Variants in PPL observed in about 807,000 individuals in gnomAD.
PPL encodes 190 kDa paraneoplastic pemphigus antigen.
PPL carries 198 observed loss-of-function variants against 194.4 expected under a neutral mutation model. That is an observed-to-expected ratio of 1.02 (90% confidence interval 0.91 to 1.15). The LOEUF is 1.15. PPL is among the 50% of genes most tolerant of loss of function. PPL has a pLI of 0.00. For missense variants in PPL, 2,885 were observed against 2,294.8 expected (o/e 1.26, Z -5.25); for synonymous variants, 1,220 against 972.4 (o/e 1.25, Z -4.74).
rs1294991391 is a variant in PPL at position 4,897,728 on chromosome 16, TC to T, written c.918del (p.Asn307ThrfsTer23). 1 of 1,613,922 alleles carries T rather than the reference TC, an allele frequency of 6.2e-7. No individual in the cohort carries two copies. Among genetic ancestry groups the T allele is most frequent in the East Asian group, 2.2e-5 (1 of 44,866 alleles). ...EAVHADWKEY[L>X]NLLICEESHL... ...TGGCTCTCCTCGCAGATGAGCAGGT[TC>T]AGGTACTCCTTCCAGTCTGCGTGCA... On this transcript the variant is annotated frameshift_variant, in exon 9 of 22. Coordinates refer to ENST00000345988, the MANE Select transcript of PPL (RefSeq NM_002705.5). LOFTEE classifies it high-confidence loss of function.
chr16:4,889,156 T>G, intron 18 of PPL, 95 bp from the exon 19 acceptor site: 1 of 969,464 alleles, frequency 1.0e-6, no homozygotes, highest in Non-Finnish European at 1.6e-6. Context: ...AATCTGAATT[T>G]ATTCTTCTCT....
chr16:4,921,076 G>A (rs1299917468), intron 1 of PPL, among the ~76,000 whole-genome samples: 1 of 152,180 alleles, frequency 6.6e-6, no homozygotes, highest in Non-Finnish European at 1.5e-5. Context: ...ACCTCGAGTC[G>A]ACTGAGGCTG....
At chr16:4,927,743 T>C (rs2089177527) in intron 1 of PPL, among the ~76,000 whole-genome samples, 2 of 152,234 alleles carry the variant, frequency 1.3e-5, no homozygotes, top group Admixed American at 1.3e-4. Flanking sequence ...ATTCCAGGTC[T>C]GTTTTTAAGG....
At position 4,885,643 on chromosome 16, in the gene PPL, CCT is replaced by C. The variant is rs1555518591; in HGVS notation, c.3010_3011del (p.Arg1004GlyfsTer5). 3 of 1,612,954 alleles carry C rather than the reference CCT, an allele frequency of 1.9e-6. No individual in the cohort carries two copies. Among genetic ancestry groups the C allele is most frequent in the Non-Finnish European group, 1.7e-6 (2 of 1,179,698 alleles). ...VKEVLRIEPD[R>X]AQADEVLQLR... Reference sequence around the variant, plus strand: ...GCTGCAAGACCTCATCCGCCTGGGCCCTGTCAGGCTCGATGCGCAGGACCTCC... The same window carrying C: ...GCTGCAAGACCTCATCCGCCTGGGCCGTCAGGCTCGATGCGCAGGACCTCC... On this transcript the variant is annotated frameshift_variant, in exon 22 of 22. Coordinates refer to ENST00000345988, the MANE Select transcript of PPL (RefSeq NM_002705.5). LOFTEE classifies it high-confidence loss of function. The surrounding 1 kb of genome is among the most constrained non-coding windows in gnomAD (Gnocchi z 6.3).
At position 4,895,615 on chromosome 16, in the gene PPL, C is replaced by T; in HGVS notation, c.1074G>A (p.Glu358=). The part of the protein sequence containing the change: ...GPDFKDRYQI[E]LLLRELDDQE... Reference sequence around the variant, plus strand: ...TCACATCCAGCTCCCGCAGCAGCAGCTCAATCTGGTACCGGTCCTTGAAGT... The same window carrying T: ...TCACATCCAGCTCCCGCAGCAGCAGTTCAATCTGGTACCGGTCCTTGAAGT... Residue 358 remains glutamate, a synonymous_variant, in exon 10 of 22, where the codon GAG becomes GAA. Transcript: ENST00000345988. 1 of 1,614,000 alleles carries T rather than the reference C, an allele frequency of 6.2e-7. No individual in the cohort carries two copies. Among genetic ancestry groups the T allele is most frequent in the East Asian group, 2.2e-5 (1 of 44,880 alleles).
In PPL at chr16:4,885,807, A is replaced by G. The variant is rs1485325767; in HGVS notation, c.2848T>C (p.Phe950Leu). The G allele has an allele frequency of 3.1e-6, 5 of 1,608,970 alleles. No homozygotes were observed. In the South Asian group the frequency reaches 5.5e-5, roughly 18 times the overall value. Residue 950 changes from phenylalanine to leucine, a missense_variant, in exon 22 of 22, where the codon TTC becomes CTC. By Grantham distance (22) the Phe-to-Leu change is conservative. Transcript: ENST00000345988. The surrounding 1 kb of genome is among the most constrained non-coding windows in gnomAD (Gnocchi z 6.3). Reference protein sequence around the residue: ...KVPDPVLEESFQQLQRTLAEE... With the variant: ...KVPDPVLEESLQQLQRTLAEE... ...GCCAGCGTCCGCTGCAGCTGCTGGA[A>G]GCTCTCCTCCAGCACGGGATCCGGC...
intron 14 of PPL, among the ~76,000 whole-genome samples, chr16:4,892,592 TGTG>T (rs1490405540): frequency 6.6e-6 from 1 of 152,014 alleles, no homozygotes; most frequent in Non-Finnish European, 1.5e-5. Context: ...GGAAGGGACT[TGTG>T]GGGTCAGGCT....
rs374803392 is a variant in PPL, at chr16:4,931,224, C to T, written c.62+5760G>A. Among the ~76,000 whole-genome samples, 23 of 152,084 alleles carry T rather than the reference C, an allele frequency of 1.5e-4. No homozygotes were observed. In the South Asian group the frequency reaches 3.1e-3, roughly 21 times the overall value. Reference sequence around the variant, plus strand: ...ACAAATATTAAAAATTAGCGGGGCACGGTGGTGTGCACACCTGTAGTCCCA... The same window carrying T: ...ACAAATATTAAAAATTAGCGGGGCATGGTGGTGTGCACACCTGTAGTCCCA... On this transcript the variant is annotated intron_variant, in intron 1 of 21. Coordinates refer to ENST00000345988, the MANE Select transcript of PPL (RefSeq NM_002705.5).
intron 1 of PPL, among the ~76,000 whole-genome samples, chr16:4,928,035 G>C (rs900890307): frequency 2.0e-5 from 3 of 152,228 alleles, no homozygotes; most frequent in African/African-American, 4.8e-5. Context: ...GCTCACTGCA[G>C]CTTTGAATTC....
intron 8 of PPL, 117 bp from the exon 9 acceptor site, chr16:4,897,887 TG>T (rs2088465911): frequency 2.6e-6 from 2 of 774,912 alleles, no homozygotes; most frequent in South Asian, 1.7e-5. Context: ...GGCATCTGTC[TG>T]GGTGTGGCTA....
At chr16:4,913,029 G>C (rs989184551) in intron 1 of PPL, among the ~76,000 whole-genome samples, 1 of 152,044 alleles carries the variant, frequency 6.6e-6, no homozygotes, top group Non-Finnish European at 1.5e-5. Flanking sequence ...GCTTGAACCT[G>C]GGAGGTGGAG....
chr16:4,893,252 C>T lies in PPL; in HGVS notation c.1611G>A (p.Arg537=), dbSNP rs759321920. The T allele has an allele frequency of 1.1e-5, 17 of 1,592,676 alleles. No individual in the cohort carries two copies. In the South Asian group the frequency reaches 1.7e-4, roughly 16 times the overall value. Residue 537 remains arginine, a synonymous_variant, in exon 14 of 22, where the codon CGG becomes CGA. Transcript: ENST00000345988. The part of the protein sequence containing the change: ...GILRPPLEQG[R]AVQDSAERAK... ...CCCGCTCGGCACTGTCCTGCACAGC[C>T]CGGCCTTGCTCCAGTGGTGGCCGCA...
intron 2 of PPL, among the ~76,000 whole-genome samples, chr16:4,906,515 G>A (rs1028809953): frequency 9.2e-5 from 14 of 152,164 alleles, no homozygotes; most frequent in African/African-American, 2.7e-4. Context: ...GTGAGCCACC[G>A]CGCCCGGCCT....
intron 19 of PPL, 65 bp from the exon 20 acceptor site, chr16:4,888,283 T>C: frequency 1.7e-6 from 2 of 1,171,534 alleles, no homozygotes; most frequent in Non-Finnish European, 2.6e-6. Flanking sequence ...GACATGTTCC[T>C]GTACCCCTTC....
chr16:4,891,860 G>C lies in PPL; in HGVS notation c.1919C>G (p.Thr640Arg), dbSNP rs1387674509. The C allele has an allele frequency of 3.7e-6, 6 of 1,613,518 alleles. No individual in the cohort carries two copies. In the South Asian group the frequency reaches 6.6e-5, roughly 18 times the overall value. The change falls in exon 16 of 22, where the codon ACA becomes AGA. Residue 640 changes from threonine to arginine, a missense_variant. Coordinates refer to ENST00000345988, the MANE Select transcript of PPL (RefSeq NM_002705.5). ...THENHLNQDDTVPESSRVLDS... is the reference protein window; with the variant it reads ...THENHLNQDDRVPESSRVLDS... ...CAGGACACGGCTGCTCTCAGGCACTGTGTCATCCTGATTCAGATGGTTCTC... is the reference window on the plus strand; with the variant it reads ...CAGGACACGGCTGCTCTCAGGCACTCTGTCATCCTGATTCAGATGGTTCTC...
chr16:4,886,372 T>G (rs1356407143), intron 21 of PPL, among the ~76,000 whole-genome samples: 1 of 152,242 alleles, frequency 6.6e-6, no homozygotes, highest in Non-Finnish European at 1.5e-5. Context: ...GTCTGTAGTA[T>G]GTACCATGTG....
Position 4,890,302 on chromosome 16 carries a change from T to G in PPL, c.2195A>C (p.Tyr732Ser). The G allele has an allele frequency of 1.2e-6, 2 of 1,614,030 alleles. No homozygotes were observed. The highest frequency in any genetic ancestry group is 1.7e-6 in the Non-Finnish European group (2 of 1,180,000). The stretch of plus-strand genomic sequence containing the variant: ...GTCATGGCCGCGGTGGAAGTGCTCG[T>G]AGGCTGCCTTGGCGCTCTGTAGGCT... Reference protein sequence around the residue: ...AQSLQSAKAAYEHFHRGHDHV... With the variant: ...AQSLQSAKAASEHFHRGHDHV... The change falls in exon 18 of 22, where the codon TAC becomes TCC. Residue 732 changes from tyrosine to serine, a missense_variant. Coordinates refer to ENST00000345988, the MANE Select transcript of PPL (RefSeq NM_002705.5).
rs766571258 is a variant in PPL, at chr16:4,883,823, C to G, written c.4832G>C (p.Arg1611Thr). The G allele has an allele frequency of 3.1e-6, 5 of 1,614,154 alleles. No individual in the cohort carries two copies. Among genetic ancestry groups the G allele is most frequent in the Non-Finnish European group, 4.2e-6 (5 of 1,180,034 alleles). Reference sequence around the variant, plus strand: ...CAGTTCCCTCTCCAGGGACCACAGTCTGGAGTCATGGTTGGTCCCAGAGTC... The same window carrying G: ...CAGTTCCCTCTCCAGGGACCACAGTGTGGAGTCATGGTTGGTCCCAGAGTC... Reference protein sequence around the residue: ...VADSGTNHDSRLWSLERELDD... With the variant: ...VADSGTNHDSTLWSLERELDD... The change falls in exon 22 of 22, where the codon AGA becomes ACA. Residue 1611 changes from arginine (R) to threonine (T), a missense_variant. Arg to Thr is a moderately conservative substitution (Grantham distance 71). Coordinates refer to ENST00000345988, the MANE Select transcript of PPL (RefSeq NM_002705.5). The surrounding 1 kb of genome is among the most constrained non-coding windows in gnomAD (Gnocchi z 4.8).
Position 4,885,704 on chromosome 16 carries a change from T to G in PPL, c.2951A>C (p.Glu984Ala). ...GTACTCCTGCCCCCCGTCTCTGGTC[T>G]CCTGCTCCAGGGCACGCAGCTGCAG... ...LQLQLRALEQ[E>A]TRDGGQEYVV... Residue 984 changes from glutamate (E) to alanine (A), a missense_variant, in exon 22 of 22, where the codon GAG becomes GCG. By Grantham distance (107) the Glu-to-Ala change is moderately radical. Coordinates refer to ENST00000345988, the MANE Select transcript of PPL (RefSeq NM_002705.5). This position sits in a 1 kb window ranked among gnomAD's most constrained non-coding sequence, Gnocchi z 6.3. 2.5e-6 allele frequency: 4 copies of G among 1,613,504 alleles called. No homozygotes were observed. The highest frequency in any genetic ancestry group is 3.4e-6 in the Non-Finnish European group (4 of 1,179,998).
Sources: gnomAD v4.1 joint callset for allele counts (sites outside exome capture counted in the v4.1 genomes callset) on GRCh38, gnomAD v4.1.1 for gene constraint, Gnocchi (gnomAD v3.1) non-coding constraint, MANE v1.5 for transcripts, NCBI Gene and HGNC (gene_info 2026-07-23, HGNC 2026-07-21) for gene names.